The following CACNB4 variants were observed in gnomAD, a reference collection of about 807,000 sequenced individuals.
CACNB4 encodes the protein voltage-dependent L-type calcium channel subunit beta-4.
A neutral mutation model predicts 71.2 loss-of-function variants in CACNB4; 32 were observed. The observed-to-expected ratio is 0.45, with a 90% CI of 0.34 to 0.60. The LOEUF (loss-of-function observed/expected upper bound fraction) is 0.60, where lower values mean the gene tolerates loss of function less well. Among genes scored for constraint, CACNB4 ranks in the 20% least tolerant of loss-of-function variants. The probability of loss-of-function intolerance (pLI) is 0.01; values close to 1 mark genes in which losing one functional copy is unlikely to be tolerated. For synonymous variants in CACNB4, 231 were observed against 236.9 expected (o/e 0.97, Z 0.23); for missense variants, 464 against 647.9 (o/e 0.72, Z 3.08).
chr2:151,955,663 C>A (rs949950435), intron 2 of CACNB4, among the ~76,000 whole-genome samples: 1 of 151,948 alleles, frequency 6.6e-6, no homozygotes, highest in African/African-American at 2.4e-5. Flanking sequence ...GAGGCTGAGG[C>A]GGGAGGCTGA....
chr2:151,919,713 G>A (rs150782965), intron 2 of CACNB4, among the ~76,000 whole-genome samples: 96 of 151,872 alleles, frequency 6.3e-4, no homozygotes, highest in African/African-American at 2.3e-3. Context: ...CTACCTTGAC[G>A]CCCCCCTTAA....
At chr2:151,963,311 C>CAAAAAA (rs71410446) in intron 2 of CACNB4, among the ~76,000 whole-genome samples, 1 of 60,396 alleles carries the variant, frequency 1.7e-5, no homozygotes. Context: ...GACACCGTCT[C>CAAAAAA]AAAAAAAAAA....
chr2:151,988,230 T>C (rs1417833852), intron 2 of CACNB4, among the ~76,000 whole-genome samples: 2 of 152,124 alleles, frequency 1.3e-5, no homozygotes, highest in Non-Finnish European at 1.5e-5. Context: ...CAAACCAGTC[T>C]CCCTACCCAA....
At chr2:151,961,699 TG>T (rs1180782579) in intron 2 of CACNB4, among the ~76,000 whole-genome samples, 1 of 152,056 alleles carries the variant, frequency 6.6e-6, no homozygotes, top group Non-Finnish European at 1.5e-5. Flanking sequence ...GAGATCAGCC[TG>T]GGCAACACAG....
chr2:151,934,761 C>T (rs368315768), intron 2 of CACNB4, among the ~76,000 whole-genome samples: 126 of 152,216 alleles, frequency 8.3e-4, no homozygotes, highest in African/African-American at 2.6e-3. Flanking sequence ...TGCTTGAACC[C>T]GGGAGGCGGA....
intron 9 of CACNB4, chr2:151,867,964 T>C (rs2099843619): frequency 6.6e-6 from 1 of 152,348 alleles, no homozygotes; most frequent in African/African-American, 2.4e-5. Flanking sequence ...TTGGGGTCTA[T>C]TTATTAAGGC....
chr2:151,858,057 A>ATATAGC (rs1490168610), intron 10 of CACNB4: 1 of 152,260 alleles, frequency 6.6e-6, no homozygotes, highest in Non-Finnish European at 1.5e-5. Flanking sequence ...ATATTTATCT[A>ATATAGC]TATAGCTCTT....
chr2:151,838,988 T>G lies in CACNB4; in HGVS notation c.*131A>C. Reference sequence around the variant, plus strand: ...TGTAATTTTTTTTTTTGCCCCTTACTTAGCATAAAATGACAGCAGCCCATT... The same window carrying G: ...TGTAATTTTTTTTTTTGCCCCTTACGTAGCATAAAATGACAGCAGCCCATT... On this transcript the variant is annotated 3_prime_UTR_variant, in exon 14 of 14. Transcript: ENST00000539935. 2.7e-6 allele frequency: 2 copies of G among 744,300 alleles called. No individual in the cohort carries two copies. Among genetic ancestry groups the G allele is most frequent in the Non-Finnish European group, 4.2e-6 (2 of 472,108 alleles). 46.1% of individuals were successfully genotyped at this position (744,300 alleles called of 1,614,324 possible).
At chr2:152,028,310 T>A (rs1949521) in intron 2 of CACNB4, among the ~76,000 whole-genome samples, 122,655 of 152,134 alleles carry the variant, frequency 0.81, 50,721 homozygotes, top group Middle Eastern at 0.91. Flanking sequence ...AAAATTTAAA[T>A]TACCTAAAAT....
intron 2 of CACNB4, among the ~76,000 whole-genome samples, chr2:152,049,951 C>T (rs570106254): frequency 1.3e-5 from 2 of 152,370 alleles, no homozygotes; most frequent in South Asian, 2.1e-4. Context: ...GTCTGCAAGG[C>T]AACTGCATCT....
intron 2 of CACNB4, among the ~76,000 whole-genome samples, chr2:152,045,164 T>C (rs920694101): frequency 6.6e-6 from 1 of 152,146 alleles, no homozygotes; most frequent in Non-Finnish European, 1.5e-5. Flanking sequence ...ATTGGCCAAT[T>C]TTTTTTCAGT....
At chr2:151,973,596 CG>C (rs368255915) in intron 2 of CACNB4, 37 of 1,355,880 alleles carry the variant, frequency 2.7e-5, no homozygotes, top group South Asian at 1.2e-4. Flanking sequence ...AAATAAGAAG[CG>C]GGGGGGTGGA....
At chr2:151,988,030 G>A (rs774733389) in intron 2 of CACNB4, among the ~76,000 whole-genome samples, 30 of 151,990 alleles carry the variant, frequency 2.0e-4, no homozygotes, top group Non-Finnish European at 3.1e-4. Flanking sequence ...GTAATTTATC[G>A]CCAACTGAAA....
Position 151,876,452 on chromosome 2 carries a change from T to A in CACNB4, c.495A>T (p.Glu165Asp), listed in dbSNP as rs1261256653. ...CTCCGTGAAAACGTCCTCTTTTTTG[T>A]TCTTGCTGGATCCGTATGTTCTCCA... ...LRLENIRIQQ[E>D]QKRGRFHGGK... Residue 165 changes from glutamate (E) to aspartate (D), a missense_variant, in exon 5 of 14, where the codon GAA becomes GAT. By Grantham distance (45) the Glu-to-Asp change is conservative (BLOSUM62 2). Coordinates refer to ENST00000539935, the MANE Select transcript of CACNB4 (RefSeq NM_000726.5). The A allele has an allele frequency of 3.7e-6, 6 of 1,601,304 alleles. No individual in the cohort carries two copies. The highest frequency in any genetic ancestry group is 5.1e-6 in the Non-Finnish European group (6 of 1,171,884).
chr2:151,997,884 T>C (rs937228778), intron 2 of CACNB4, among the ~76,000 whole-genome samples: 9 of 152,250 alleles, frequency 5.9e-5, no homozygotes, highest in Non-Finnish European at 1.3e-4. Context: ...TTTTAATACA[T>C]GATACTATCT....
intron 2 of CACNB4, among the ~76,000 whole-genome samples, chr2:152,004,750 G>A (rs1682629851): frequency 6.6e-6 from 1 of 152,198 alleles, no homozygotes; most frequent in Admixed American, 6.5e-5. Flanking sequence ...CTGGACAATG[G>A]GGATAGGGGA....
intron 13 of CACNB4, among the ~76,000 whole-genome samples, chr2:151,840,173 G>T (rs956594876): frequency 6.6e-6 from 1 of 152,162 alleles, no homozygotes; most frequent in Non-Finnish European, 1.5e-5. Context: ...ATCAGTTAAG[G>T]CACAGGATCC....
chr2:151,839,208 A>G lies in CACNB4; in HGVS notation c.1474T>C (p.Tyr492His). 5 of 1,613,642 alleles carry G rather than the reference A, an allele frequency of 3.1e-6. No homozygotes were observed. Among genetic ancestry groups the G allele is most frequent in the Non-Finnish European group, 4.2e-6 (5 of 1,179,630 alleles). Residue 492 changes from tyrosine to histidine, a missense_variant, in exon 14 of 14, where the codon TAC becomes CAC. By Grantham distance (83) the Tyr-to-His change is moderately conservative. Transcript: ENST00000539935. ...TAAGTGTCCTGGTATGAGTCAGGGT[A>G]ATCTTCTTCCACAAGAGGGTAATGA... ...RDHYPLVEED[Y>H]PDSYQDTYKP...
At chr2:152,043,928 G>A (rs1026385047) in intron 2 of CACNB4, among the ~76,000 whole-genome samples, 5 of 151,958 alleles carry the variant, frequency 3.3e-5, no homozygotes, top group African/African-American at 1.2e-4. Context: ...CAAAAGAGCC[G>A]GGCTTGATGG....
Sources: allele counts gnomAD v4.1 joint callset (sites outside exome capture counted in the v4.1 genomes callset), GRCh38; gene constraint gnomAD v4.1.1; transcripts MANE v1.5; gene names NCBI Gene and HGNC (gene_info 2026-07-23, HGNC 2026-07-21).